KAZN: variants seen among roughly 807,000 people sequenced by gnomAD.
KAZN encodes kazrin, periplakin interacting protein, also known as kazrin.
In KAZN, 40 loss-of-function variants were observed where a neutral mutation model predicts 87.4. The observed-to-expected ratio is 0.46, with a 90% CI of 0.36 to 0.60. The LOEUF (loss-of-function observed/expected upper bound fraction) is 0.60. Among genes scored for constraint, KAZN ranks in the 20% least tolerant of loss-of-function variants. The pLI is 0.00. For missense variants in KAZN, 898 were observed against 1,073.9 expected (o/e 0.84, Z 2.29); for synonymous variants, 466 against 458.3 (o/e 1.02, Z -0.22).
At chr1:14,495,683 T>C (rs550265660) in intron 2 of KAZN, among the ~76,000 whole-genome samples, 1 of 152,306 alleles carries the variant, frequency 6.6e-6, no homozygotes, top group African/African-American at 2.4e-5. Flanking sequence ...CCTTCTTTAT[T>C]AGAAGTAGCC....
At chr1:14,702,240 G>A (rs1003772373) in intron 1 of KAZN, among the ~76,000 whole-genome samples, 6 of 152,038 alleles carry the variant, frequency 3.9e-5, no homozygotes, top group African/African-American at 1.4e-4. Context: ...GGAGGTTGAA[G>A]AAGCAAACCT....
Position 13,985,341 on chromosome 1 carries a change from T to C in KAZN, c.91+91585T>C, listed in dbSNP as rs373422745. ...ACAATGATAGACTGGATTAAGAAAA[T>C]GTGGCACATATACACCATGGAATAC... On this transcript the variant is annotated intron_variant, in intron 1 of 16. Transcript: ENST00000636203. 5.5e-4 allele frequency among the ~76,000 whole-genome samples: 84 copies of C among 151,800 alleles called. No individual in the cohort carries two copies. In the East Asian group the frequency reaches 8.3e-3, roughly 15 times the overall value.
In KAZN at chr1:14,458,547, C is replaced by T. The variant is rs1010849245; in HGVS notation, c.250-140436C>T. On this transcript the variant is annotated intron_variant, in intron 2 of 16. Transcript: ENST00000636203. Reference sequence around the variant, plus strand: ...TCTTAGAGATAGAATAAATTCTAGCCGCAGGATGGTCTGAGTAGCCCCTTT... The same window carrying T: ...TCTTAGAGATAGAATAAATTCTAGCTGCAGGATGGTCTGAGTAGCCCCTTT... Among the ~76,000 whole-genome samples the T allele has an allele frequency of 4.6e-5, 7 of 152,254 alleles. No individual in the cohort carries two copies. The East Asian group carries it at 1.2e-3, about 25-fold the overall frequency.
chr1:14,422,142 C>G (rs950774504), intron 2 of KAZN, among the ~76,000 whole-genome samples: 1 of 152,118 alleles, frequency 6.6e-6, no homozygotes, highest in Non-Finnish European at 1.5e-5. Context: ...ATAGGCAAAT[C>G]GCTATTTTAC....
intron 8 of KAZN, among the ~76,000 whole-genome samples, chr1:15,086,232 A>G (rs755691218): frequency 6.6e-6 from 1 of 152,166 alleles, no homozygotes; most frequent in Non-Finnish European, 1.5e-5. Context: ...CGGCCTCCCA[A>G]AGTGCTGGGA....
chr1:14,401,981 A>G (rs1475374931), intron 2 of KAZN, among the ~76,000 whole-genome samples: 1 of 152,060 alleles, frequency 6.6e-6, no homozygotes, highest in Non-Finnish European at 1.5e-5. Context: ...ATCCAACATT[A>G]TATTTCAATT....
intron 1 of KAZN, among the ~76,000 whole-genome samples, chr1:14,019,356 C>A (rs1640719845): frequency 1.3e-5 from 2 of 152,248 alleles, no homozygotes; most frequent in South Asian, 4.1e-4. Context: ...GAGGAAAAGG[C>A]CATTCTTGGA....
chr1:15,092,078 T>A (rs1452186385), intron 8 of KAZN, among the ~76,000 whole-genome samples: 19 of 147,224 alleles, frequency 1.3e-4, no homozygotes, highest in African/African-American at 4.8e-4. Context: ...TTTTGATTTT[T>A]TTTTTTTTTT....
chr1:14,989,730 G>A (rs951054631), intron 2 of KAZN, among the ~76,000 whole-genome samples: 1 of 152,112 alleles, frequency 6.6e-6, no homozygotes, highest in South Asian at 2.1e-4. Context: ...TGAAGTGCTC[G>A]GGATGGTGGT....
At chr1:14,816,181 C>T (rs1646557969) in intron 1 of KAZN, among the ~76,000 whole-genome samples, 1 of 152,178 alleles carries the variant, frequency 6.6e-6, no homozygotes, top group African/African-American at 2.4e-5. Context: ...TAGCAATCTA[C>T]TAGATATCCA....
At chr1:14,628,105 A>G (rs1336894109) in intron 1 of KAZN, among the ~76,000 whole-genome samples, 1 of 152,176 alleles carries the variant, frequency 6.6e-6, no homozygotes, top group East Asian at 1.9e-4. Flanking sequence ...CTGCCTTTGC[A>G]ATGGGACATC....
At chr1:14,936,022 G>T (rs1408180201) in intron 1 of KAZN, among the ~76,000 whole-genome samples, 1 of 152,346 alleles carries the variant, frequency 6.6e-6, no homozygotes, top group African/African-American at 2.4e-5. Context: ...CCTTGGGGAC[G>T]CCTGGACGAC....
At chr1:14,382,911 T>A (rs1278918709) in intron 2 of KAZN, among the ~76,000 whole-genome samples, 1 of 151,938 alleles carries the variant, frequency 6.6e-6, no homozygotes, top group African/African-American at 2.4e-5. Flanking sequence ...TCCACAATGG[T>A]TGAACTAGTT....
At chr1:14,009,015 TGATTTTGGCTACTCTGA>T in intron 1 of KAZN, among the ~76,000 whole-genome samples, 1 of 152,358 alleles carries the variant, frequency 6.6e-6, no homozygotes, top group East Asian at 1.9e-4. Context: ...TCTGTCTCTA[TGATTTTGGCTACTCTGA>T]GATTTTTGCA....
chr1:14,043,607 T>C (rs1468279513), intron 1 of KAZN, among the ~76,000 whole-genome samples: 1 of 91,654 alleles, frequency 1.1e-5, no homozygotes. Flanking sequence ...CACTTGTTAT[T>C]TTCTGTTTTT....
intron 1 of KAZN, among the ~76,000 whole-genome samples, chr1:14,897,762 G>A (rs1424626744): frequency 6.6e-6 from 1 of 152,168 alleles, no homozygotes; most frequent in Non-Finnish European, 1.5e-5. Context: ...TTGGTTTGTA[G>A]CATATGAAGA....
intron 2 of KAZN, among the ~76,000 whole-genome samples, chr1:14,463,964 G>A (rs1373573307): frequency 6.6e-6 from 1 of 152,192 alleles, no homozygotes; most frequent in African/African-American, 2.4e-5. Flanking sequence ...GCTTGGAGGG[G>A]CCCTTAGGCC....
At chr1:14,168,411 C>T (rs1330934199) in intron 1 of KAZN, among the ~76,000 whole-genome samples, 17 of 152,056 alleles carry the variant, frequency 1.1e-4, no homozygotes, top group East Asian at 1.9e-4. Context: ...CAGAGGGAGA[C>T]GCTGAATGTG....
At chr1:13,978,938 A>G (rs987122159) in intron 1 of KAZN, among the ~76,000 whole-genome samples, 1 of 151,930 alleles carries the variant, frequency 6.6e-6, no homozygotes, top group African/African-American at 2.4e-5. Context: ...CTGTATCTAC[A>G]AAAACAAAAT....
Sources: allele counts gnomAD v4.1 joint callset (sites outside exome capture counted in the v4.1 genomes callset), GRCh38; gene constraint gnomAD v4.1.1; transcripts MANE v1.5; gene names NCBI Gene and HGNC (gene_info 2026-07-23, HGNC 2026-07-21).